Variants in CFAP300 observed in about 807,000 individuals in gnomAD.
CFAP300 encodes cilia and flagella associated protein 300.
Under a neutral mutation model 33.0 loss-of-function variants are expected in CFAP300, and 32 were observed. That is an observed-to-expected ratio of 0.97 (90% confidence interval 0.73 to 1.30). The LOEUF (loss-of-function observed/expected upper bound fraction) is 1.30, where lower values mean the gene tolerates loss of function less well. Ranked by LOEUF, CFAP300 falls within the 50% of genes most tolerant of loss-of-function variation. The pLI is 0.00. For missense variants in CFAP300, 356 were observed against 318.1 expected (o/e 1.12, Z -0.90); for synonymous variants, 102 against 106.8 (o/e 0.95, Z 0.28).
chr11:102,076,327 T>C (rs1942394566), intron 5 of CFAP300, among the ~76,000 whole-genome samples: 1 of 152,344 alleles, frequency 6.6e-6, no homozygotes, highest in East Asian at 1.9e-4. Context: ...TTCCAAGCCT[T>C]CTTTTTTTCT....
chr11:102,062,347 A>G (rs927445816), intron 3 of CFAP300, among the ~76,000 whole-genome samples: 1 of 152,182 alleles, frequency 6.6e-6, no homozygotes, highest in Non-Finnish European at 1.5e-5. Context: ...AGCTGCTGTA[A>G]CAAATACCTA....
At chr11:102,080,272 C>G (rs1942455054) in intron 5 of CFAP300, among the ~76,000 whole-genome samples, 1 of 151,970 alleles carries the variant, frequency 6.6e-6, no homozygotes, top group African/African-American at 2.4e-5. Context: ...CCTTAGTTTG[C>G]TTTCTCACTA....
Position 102,055,657 on chromosome 11 carries a change from AC to A in CFAP300, c.193-3222del, listed in dbSNP as rs573211552. Among the ~76,000 whole-genome samples, 370 of 126,842 alleles carry A rather than the reference AC, an allele frequency of 2.9e-3. 6 individuals are homozygous for A. Among genetic ancestry groups the A allele is most frequent in the African/African-American group, 0.011 (360 of 32,804 alleles). The allele number at this position is 126,842 out of a possible 152,430, so 83.2% of individuals were successfully genotyped here. ...GGCACCACACCTGGCCATATACATT[AC>A]TCCTAAACTACCCTTTTTTTTTTTT... On this transcript the variant is annotated intron_variant, in intron 2 of 6. Transcript: ENST00000434758.
intron 2 of CFAP300, among the ~76,000 whole-genome samples, chr11:102,052,116 G>C (rs554870531): frequency 3.6e-4 from 55 of 152,106 alleles, no homozygotes; most frequent in Admixed American, 8.5e-4. Flanking sequence ...AATGTAACTT[G>C]CATTGCCTTA....
intron 4 of CFAP300, among the ~76,000 whole-genome samples, chr11:102,067,127 C>A (rs1288245167): frequency 1.3e-5 from 2 of 152,138 alleles, no homozygotes; most frequent in African/African-American, 4.8e-5. Context: ...GTGGTTTGAG[C>A]CCAGGAGTTC....
At chr11:102,078,019 T>C (rs932660757) in intron 5 of CFAP300, among the ~76,000 whole-genome samples, 1 of 152,194 alleles carries the variant, frequency 6.6e-6, no homozygotes, top group Non-Finnish European at 1.5e-5. Context: ...GCCTCCCGAA[T>C]AGCTGGGATC....
intron 3 of CFAP300, among the ~76,000 whole-genome samples, chr11:102,063,219 G>A (rs1197453247): frequency 2.0e-5 from 3 of 152,242 alleles, no homozygotes. Context: ...GGTGGGTCCA[G>A]AGGCAGAGTA....
intron 4 of CFAP300, among the ~76,000 whole-genome samples, chr11:102,074,706 T>A (rs1942370898): frequency 6.6e-6 from 1 of 152,016 alleles, no homozygotes; most frequent in Non-Finnish European, 1.5e-5. Context: ...TACTTTTAGT[T>A]ATTTCACATT....
In CFAP300 at chr11:102,047,841, A is replaced by T; in HGVS notation, c.137A>T (p.Gln46Leu). The T allele has an allele frequency of 6.2e-7, 1 of 1,614,196 alleles. No individual in the cohort carries two copies. ...TCCATGCTGGGCAGAATCAAGGCGCAGGCGTTCGGCTTTGACCAGACCTTT... is the reference window on the plus strand; with the variant it reads ...TCCATGCTGGGCAGAATCAAGGCGCTGGCGTTCGGCTTTGACCAGACCTTT... ...QWSMLGRIKA[Q>L]AFGFDQTFQS... is the part of the protein sequence containing the mutation. Residue 46 changes from glutamine (Q) to leucine (L), a missense_variant, in exon 2 of 7, where the codon CAG becomes CTG. Coordinates refer to ENST00000434758, the MANE Select transcript of CFAP300 (RefSeq NM_032930.3).
intron 5 of CFAP300, among the ~76,000 whole-genome samples, chr11:102,079,314 A>G (rs1454521638): frequency 1.3e-5 from 2 of 152,230 alleles, no homozygotes; most frequent in African/African-American, 4.8e-5. Flanking sequence ...AGTATTTTAT[A>G]TATAGTGGTT....
intron 2 of CFAP300, 152 bp from the exon 3 acceptor site, chr11:102,058,728 T>C: frequency 1.8e-6 from 1 of 552,084 alleles, no homozygotes. Flanking sequence ...TAAAACTTCA[T>C]TTATTTATAA....
In CFAP300 at chr11:102,066,495, G is replaced by GA. The variant is rs1942227523; in HGVS notation, c.286dup (p.Ile96AsnfsTer2). The GA allele has an allele frequency of 1.3e-6, 2 of 1,585,318 alleles. No individual in the cohort carries two copies. The highest frequency in any genetic ancestry group is 1.2e-5 in the South Asian group (1 of 82,900). Reference sequence around the variant, plus strand: ...AATATCTTTTTTCAGGAACTGAAGTGAAAAAAATTGAAGCTATAAATGTTC... The same window carrying GA: ...AATATCTTTTTTCAGGAACTGAAGTGAAAAAAAATTGAAGCTATAAATGTTC... On this transcript the variant is annotated frameshift_variant, in exon 4 of 7. Coordinates refer to ENST00000434758, the MANE Select transcript of CFAP300 (RefSeq NM_032930.3). LOFTEE classifies it high-confidence loss of function.
intron 2 of CFAP300, among the ~76,000 whole-genome samples, chr11:102,051,757 C>T (rs909807424): frequency 6.6e-6 from 1 of 152,094 alleles, no homozygotes; most frequent in Admixed American, 6.5e-5. Flanking sequence ...CTATGTTGCC[C>T]GGGCTGGTCT....
At chr11:102,047,718 A>C in intron 1 of CFAP300, 97 bp from the exon 2 acceptor site, 1 of 1,492,766 alleles carries the variant, frequency 6.7e-7, no homozygotes, top group South Asian at 1.2e-5. Context: ...ACCCCGAACC[A>C]CCCGGGAAGG....
intron 4 of CFAP300, among the ~76,000 whole-genome samples, chr11:102,073,471 G>C (rs896769027): frequency 6.6e-6 from 1 of 152,218 alleles, no homozygotes; most frequent in Non-Finnish European, 1.5e-5. Context: ...TGCCAGGCCA[G>C]AGGGGCTGTC....
intron 2 of CFAP300, among the ~76,000 whole-genome samples, chr11:102,052,167 G>C (rs1169146774): frequency 6.6e-6 from 1 of 152,170 alleles, no homozygotes; most frequent in Non-Finnish European, 1.5e-5. Flanking sequence ...TTTGGTTCTA[G>C]TTCAATTCAC....
chr11:102,068,616 G>C (rs1358136411), intron 4 of CFAP300, among the ~76,000 whole-genome samples: 1 of 152,096 alleles, frequency 6.6e-6, no homozygotes, highest in Non-Finnish European at 1.5e-5. Flanking sequence ...GCAAAACCCT[G>C]TCTCTACTAA....
chr11:102,082,486 T>C (rs1942488856), intron 6 of CFAP300, among the ~76,000 whole-genome samples: 1 of 152,168 alleles, frequency 6.6e-6, no homozygotes, highest in Non-Finnish European at 1.5e-5. Context: ...ATGATGGGAT[T>C]TGTCTTTGGA....
At chr11:102,057,120 CCAAGGTCAGGAGTT>C (rs1015681143) in intron 2 of CFAP300, among the ~76,000 whole-genome samples, 1 of 151,516 alleles carries the variant, frequency 6.6e-6, no homozygotes, top group African/African-American at 2.4e-5. Flanking sequence ...GTCAGATCAC[CCAAGGTCAGGAGTT>C]CAAGACTAGC....
Sources: gnomAD v4.1 joint callset for allele counts (sites outside exome capture counted in the v4.1 genomes callset) on GRCh38, gnomAD v4.1.1 for gene constraint, MANE v1.5 for transcripts, NCBI Gene and HGNC (gene_info 2026-07-23, HGNC 2026-07-21) for gene names.